Variants in ST3GAL6 observed in about 807,000 individuals in gnomAD.
The protein encoded by ST3GAL6 is type 2 lactosamine alpha-2,3-sialyltransferase.
Under a neutral mutation model 40.5 loss-of-function variants are expected in ST3GAL6, and 31 were observed. That is an observed-to-expected ratio of 0.77 (90% CI 0.58 to 1.03). The LOEUF is 1.03. Among genes scored for constraint, ST3GAL6 ranks in the 50% least tolerant of loss-of-function variants. ST3GAL6 has a pLI of 0.00. For missense variants in ST3GAL6, 357 were observed against 393.2 expected (o/e 0.91, Z 0.78); for synonymous variants, 129 against 136.9 (o/e 0.94, Z 0.40).
chr3:98,774,032 TG>T (rs767820105), intron 5 of ST3GAL6, 49 bp downstream of exon 5: 6 of 1,418,378 alleles, frequency 4.2e-6, no homozygotes, highest in Non-Finnish European at 6.0e-6. Context: ...TCAGCTAAGC[TG>T]GTTCAAAATA....
At chr3:98,748,510 C>T (rs916436598) in intron 1 of ST3GAL6, among the ~76,000 whole-genome samples, 6 of 152,096 alleles carry the variant, frequency 3.9e-5, no homozygotes, top group Non-Finnish European at 7.4e-5. Flanking sequence ...CTTTCTCCCA[C>T]GCTGGAGTGC....
chr3:98,760,913 C>A (rs981513381), upstream of ST3GAL6, among the ~76,000 whole-genome samples: 2 of 152,100 alleles, frequency 1.3e-5, no homozygotes, highest in Non-Finnish European at 2.9e-5. Flanking sequence ...CTGGTACAAG[C>A]AACAACTTGA....
chr3:98,764,465 T>C (rs1157271282), intron 1 of ST3GAL6, among the ~76,000 whole-genome samples: 5 of 152,202 alleles, frequency 3.3e-5, no homozygotes, highest in East Asian at 1.9e-4. Context: ...TATTATAAGC[T>C]TTACCTCCAT....
chr3:98,780,069 T>C (rs1214814221), intron 5 of ST3GAL6, among the ~76,000 whole-genome samples: 1 of 152,140 alleles, frequency 6.6e-6, no homozygotes, highest in Non-Finnish European at 1.5e-5. Context: ...GTTCCACACA[T>C]AAAAAGGCAG....
intron 6 of ST3GAL6, among the ~76,000 whole-genome samples, chr3:98,787,445 G>C (rs1422624406): frequency 6.6e-6 from 1 of 152,122 alleles, no homozygotes; most frequent in Non-Finnish European, 1.5e-5. Context: ...TCCAACCTTG[G>C]CTTTCAGCAT....
At chr3:98,758,348 T>C (rs1359471419), upstream of ST3GAL6, among the ~76,000 whole-genome samples, 1 of 152,242 alleles carries the variant, frequency 6.6e-6, no homozygotes, top group Non-Finnish European at 1.5e-5. Flanking sequence ...ACCTATTTCA[T>C]GAAACCTATT....
intron 1 of ST3GAL6, among the ~76,000 whole-genome samples, chr3:98,765,665 C>A (rs1938248078): frequency 6.6e-6 from 1 of 152,146 alleles, no homozygotes; most frequent in Non-Finnish European, 1.5e-5. Context: ...CCCTTGCCAT[C>A]CTCTACCCAC....
chr3:98,745,421 C>G (rs977783259), intron 1 of ST3GAL6, among the ~76,000 whole-genome samples: 2 of 152,208 alleles, frequency 1.3e-5, no homozygotes, highest in African/African-American at 4.8e-5. Context: ...GAGTGACTCT[C>G]TAGGCTCAGG....
At chr3:98,767,005 A>T (rs1938425359) in intron 1 of ST3GAL6, among the ~76,000 whole-genome samples, 1 of 152,204 alleles carries the variant, frequency 6.6e-6, no homozygotes, top group Non-Finnish European at 1.5e-5. Flanking sequence ...ACCTAATTAG[A>T]AGTATGTGTG....
chr3:98,791,853 CCAA>C lies in ST3GAL6; in HGVS notation c.775_777del (p.Thr259del). 6.2e-7 allele frequency: 1 copy of C among 1,610,906 alleles called. No homozygotes were observed. The highest frequency in any genetic ancestry group is 8.5e-7 in the Non-Finnish European group (1 of 1,178,354). ...TCCCCTCCCCCAGAAACCTAAACACCCAACAACAGGAATTATTGCCATCACATT... is the reference window on the plus strand; with the variant it reads ...TCCCCTCCCCCAGAAACCTAAACACCCAACAGGAATTATTGCCATCACATT... On this transcript the variant is annotated inframe_deletion, in exon 9 of 10. Coordinates refer to ENST00000483910, the MANE Select transcript of ST3GAL6 (RefSeq NM_001323368.2).
At chr3:98,786,327 C>T (rs1343456553) in intron 6 of ST3GAL6, among the ~76,000 whole-genome samples, 3 of 151,988 alleles carry the variant, frequency 2.0e-5, no homozygotes, top group African/African-American at 7.3e-5. Context: ...AGAGGATCCA[C>T]CAGTGAGGTA....
At chr3:98,741,264 A>G (rs1936065536) in intron 1 of ST3GAL6, among the ~76,000 whole-genome samples, 1 of 152,038 alleles carries the variant, frequency 6.6e-6, no homozygotes. Context: ...CACTGTAGTT[A>G]TCTCTGATCT....
chr3:98,748,223 T>C (rs1300642479), intron 1 of ST3GAL6, among the ~76,000 whole-genome samples: 2 of 152,188 alleles, frequency 1.3e-5, no homozygotes, highest in African/African-American at 4.8e-5. Context: ...AGCTTACAGG[T>C]TGGGAATAAG....
chr3:98,790,453 ATAAAGAT>A (rs1465629952), intron 8 of ST3GAL6, among the ~76,000 whole-genome samples: 1 of 152,220 alleles, frequency 6.6e-6, no homozygotes, highest in Non-Finnish European at 1.5e-5. Flanking sequence ...CCTTAAAAAA[ATAAAGAT>A]TAACTAGTCA....
chr3:98,775,345 G>A (rs1160347717), intron 5 of ST3GAL6, among the ~76,000 whole-genome samples: 2 of 152,046 alleles, frequency 1.3e-5, no homozygotes, highest in Non-Finnish European at 2.9e-5. Context: ...GCATGATGGC[G>A]CATGCCTGTA....
chr3:98,740,421 G>T (rs772932541), intron 1 of ST3GAL6, among the ~76,000 whole-genome samples: 1 of 151,898 alleles, frequency 6.6e-6, no homozygotes, highest in African/African-American at 2.4e-5. Flanking sequence ...GCCATCTTAT[G>T]TTGCTAACTT....
At chr3:98,745,361 G>A (rs1240806745) in intron 1 of ST3GAL6, among the ~76,000 whole-genome samples, 1 of 152,122 alleles carries the variant, frequency 6.6e-6, no homozygotes, top group East Asian at 1.9e-4. Flanking sequence ...TTTGGGCTGA[G>A]TTTCTGGTGT....
At chr3:98,790,021 T>C (rs970686821) in intron 8 of ST3GAL6, among the ~76,000 whole-genome samples, 2 of 152,166 alleles carry the variant, frequency 1.3e-5, no homozygotes, top group Admixed American at 1.3e-4. Flanking sequence ...ATATTGGTGA[T>C]ATATATTAAC....
intron 1 of ST3GAL6, among the ~76,000 whole-genome samples, chr3:98,737,239 T>C (rs1326479259): frequency 6.6e-6 from 1 of 152,080 alleles, no homozygotes; most frequent in Non-Finnish European, 1.5e-5. Context: ...TTTGTAGAGA[T>C]GGGGTTTCGC....
Sources: allele counts gnomAD v4.1 joint callset (sites outside exome capture counted in the v4.1 genomes callset), GRCh38; gene constraint gnomAD v4.1.1; transcripts MANE v1.5; gene names NCBI Gene and HGNC (gene_info 2026-07-23, HGNC 2026-07-21).